The following SNRPA1 variants were observed in gnomAD, a reference collection of about 807,000 sequenced individuals.
SNRPA1 encodes the protein small nuclear ribonucleoprotein polypeptide A', also known as U2 small nuclear ribonucleoprotein A'.
Under a neutral mutation model 32.3 loss-of-function variants are expected in SNRPA1, and 5 were observed. The observed-to-expected ratio is 0.15, with a 90% CI of 0.08 to 0.33. The LOEUF (loss-of-function observed/expected upper bound fraction) is 0.33. Ranked by LOEUF, SNRPA1 falls within the 10% of genes least tolerant of loss-of-function variation. The pLI is 1.00. For synonymous variants in SNRPA1, 111 were observed against 120.1 expected (o/e 0.92, Z 0.50); for missense variants, 198 against 311.1 (o/e 0.64, Z 2.74).
At position 101,293,007 on chromosome 15, in the gene SNRPA1, T is replaced by C. The variant is rs749956564; in HGVS notation, c.230+18A>G. ...TTTACTCTAGGGGAAAAAATTACTT[T>C]CCCCTACAGACACGTACCATATTCT... On this transcript the variant is annotated intron_variant, in intron 2 of 8. Coordinates refer to ENST00000254193, the MANE Select transcript of SNRPA1 (RefSeq NM_003090.4). The C allele has an allele frequency of 1.6e-5, 25 of 1,550,678 alleles. No individual in the cohort carries two copies. In the South Asian group the frequency reaches 1.8e-4, roughly 11 times the overall value.
intron 1 of SNRPA1, chr15:101,294,816 G>C: frequency 2.6e-6 from 1 of 378,480 alleles, no homozygotes; most frequent in Non-Finnish European, 4.7e-6. Flanking sequence ...AAACAGCCAA[G>C]CAAGGCCTAA....
intron 4 of SNRPA1, among the ~76,000 whole-genome samples, chr15:101,287,235 G>A (rs890094622): frequency 2.0e-5 from 3 of 152,038 alleles, no homozygotes; most frequent in Admixed American, 6.6e-5. Context: ...TGCACAACTT[G>A]CAGGTTTGTT....
At chr15:101,293,599 C>T (rs1400103838) in intron 1 of SNRPA1, among the ~76,000 whole-genome samples, 1 of 152,208 alleles carries the variant, frequency 6.6e-6, no homozygotes, top group Non-Finnish European at 1.5e-5. Flanking sequence ...TCCACTCTTG[C>T]ATCTCCACAG....
chr15:101,284,867 G>T, intron 8 of SNRPA1, 100 bp downstream of exon 8: 1 of 829,976 alleles, frequency 1.2e-6, no homozygotes, highest in Non-Finnish European at 2.1e-6. Context: ...ATGTAAGGAG[G>T]CACTACTCTG....
At chr15:101,283,195 A>C (rs563346255) in intron 8 of SNRPA1, among the ~76,000 whole-genome samples, 1 of 152,202 alleles carries the variant, frequency 6.6e-6, no homozygotes, top group South Asian at 2.1e-4. Flanking sequence ...TCTACCCACT[A>C]TTGCTCCATC....
At chr15:101,293,694 A>G (rs1397947488) in intron 1 of SNRPA1, among the ~76,000 whole-genome samples, 1 of 152,236 alleles carries the variant, frequency 6.6e-6, no homozygotes, top group African/African-American at 2.4e-5. Context: ...TCAGAATTGA[A>G]GATCAATGGT....
intron 4 of SNRPA1, among the ~76,000 whole-genome samples, chr15:101,287,280 AC>A (rs1191627435): frequency 6.6e-6 from 1 of 152,110 alleles, no homozygotes; most frequent in Non-Finnish European, 1.5e-5. Context: ...GGTGGGCTGC[AC>A]CCATTAACTT....
At chr15:101,285,142 A>G in intron 7 of SNRPA1, 82 bp from the exon 8 acceptor site, 1 of 868,212 alleles carries the variant, frequency 1.2e-6, no homozygotes, top group African/African-American at 1.6e-5. Flanking sequence ...TCAATCACCT[A>G]CAGAAATTCA....
chr15:101,291,834 C>A (rs1039372250), intron 3 of SNRPA1, 128 bp downstream of exon 3: 99 of 607,340 alleles, frequency 1.6e-4, no homozygotes, highest in Middle Eastern at 1.4e-3. Flanking sequence ...AGGCCCAGAT[C>A]CTGAATTAAG....
intron 2 of SNRPA1, among the ~76,000 whole-genome samples, chr15:101,292,409 A>AT (rs1367993793): frequency 6.6e-6 from 1 of 152,230 alleles, no homozygotes; most frequent in Admixed American, 6.5e-5. Context: ...CTATAGGGGA[A>AT]TGGTTAACCT....
At chr15:101,292,179 A>C in intron 2 of SNRPA1, 139 bp from the exon 3 acceptor site, 1 of 634,066 alleles carries the variant, frequency 1.6e-6, no homozygotes, top group East Asian at 2.8e-5. Flanking sequence ...ACAAAGCAAA[A>C]AGAACCCTTT....
At position 101,295,162 on chromosome 15, in the gene SNRPA1, G is replaced by C; in HGVS notation, c.17C>G (p.Ala6Gly). Residue 6 changes from alanine (A) to glycine (G), a missense_variant, in exon 1 of 9, where the codon GCG (alanine) becomes GGG (glycine). Physicochemically the swap from Ala to Gly is moderately conservative, Grantham distance 60. Transcript: ENST00000254193. MVKLT[A>G]ELIEQAAQYT... ...CTGCGCCGCCTGCTCGATCAGCTCC[G>C]CCGTCAGCTTGACCATCCTGCAGCC... 1 of 1,555,264 alleles carries C rather than the reference G, an allele frequency of 6.4e-7. No homozygotes were observed. The highest frequency in any genetic ancestry group is 8.7e-7 in the Non-Finnish European group (1 of 1,155,006).
chr15:101,289,611 A>G (rs2039496657), intron 3 of SNRPA1, among the ~76,000 whole-genome samples: 1 of 152,142 alleles, frequency 6.6e-6, no homozygotes, highest in African/African-American at 2.4e-5. Flanking sequence ...AATTCACTTA[A>G]AAGAGCTTTC....
chr15:101,284,896 A>C, intron 8 of SNRPA1, 71 bp downstream of exon 8: 1 of 1,121,412 alleles, frequency 8.9e-7, no homozygotes, highest in Non-Finnish European at 1.4e-6. Context: ...GAGTCATGGC[A>C]TCTAAATGGT....
intron 8 of SNRPA1, among the ~76,000 whole-genome samples, chr15:101,284,391 A>G (rs58072448): frequency 0.014 from 2,141 of 152,300 alleles, 53 homozygotes; most frequent in African/African-American, 0.048. Context: ...TATATAGGTA[A>G]AAGTCCACAT....
At chr15:101,286,416 A>C (rs1477956405) in intron 5 of SNRPA1, 123 bp from the exon 6 acceptor site, 2 of 732,570 alleles carry the variant, frequency 2.7e-6, no homozygotes, top group African/African-American at 3.6e-5. Flanking sequence ...AATACCAAAA[A>C]GCAATTTCAA....
chr15:101,291,448 A>G (rs2039524893), intron 3 of SNRPA1, among the ~76,000 whole-genome samples: 1 of 152,214 alleles, frequency 6.6e-6, no homozygotes, highest in South Asian at 2.1e-4. Flanking sequence ...TTTTAATAAT[A>G]TGCCATTTAA....
chr15:101,290,243 A>T (rs889995336), intron 3 of SNRPA1, among the ~76,000 whole-genome samples: 7 of 152,232 alleles, frequency 4.6e-5, no homozygotes, highest in African/African-American at 1.7e-4. Flanking sequence ...CAAATCCACT[A>T]CCATGCTGTG....
chr15:101,293,010 C>T lies in SNRPA1; in HGVS notation c.230+15G>A, dbSNP rs1458769612. On this transcript the variant is annotated intron_variant, in intron 2 of 8. Transcript: ENST00000254193. ...ACTCTAGGGGAAAAAATTACTTTCC[C>T]CTACAGACACGTACCATATTCTGTT... 6.4e-7 allele frequency: 1 copy of T among 1,569,660 alleles called. No individual in the cohort carries two copies. Among genetic ancestry groups the T allele is most frequent in the South Asian group, 1.2e-5 (1 of 82,782 alleles).
Sources: gnomAD v4.1 joint callset for allele counts (sites outside exome capture counted in the v4.1 genomes callset) on GRCh38, gnomAD v4.1.1 for gene constraint, MANE v1.5 for transcripts, NCBI Gene and HGNC (gene_info 2026-07-23, HGNC 2026-07-21) for gene names.